The following CALN1 variants were observed in gnomAD, a reference collection of about 807,000 sequenced individuals.
CALN1 encodes the protein calneuron 1.
A neutral mutation model predicts 30.6 loss-of-function variants in CALN1; 17 were observed. That is an observed-to-expected ratio of 0.56 (90% CI 0.38 to 0.83). The LOEUF (loss-of-function observed/expected upper bound fraction) is 0.83. Among genes scored for constraint, CALN1 ranks in the 40% least tolerant of loss-of-function variants. The pLI, the probability that CALN1 is intolerant of heterozygous loss-of-function variation, is 0.00. For synonymous variants in CALN1, 156 were observed against 131.4 expected, an observed-to-expected ratio of 1.19 and a Z score of -1.28; for missense variants, 291 against 354.9, an observed-to-expected ratio of 0.82 and a Z score of 1.45.
At chr7:71,932,595 C>A (rs1197102574) in intron 5 of CALN1, among the ~76,000 whole-genome samples, 1 of 151,852 alleles carries the variant, frequency 6.6e-6, no homozygotes, top group Non-Finnish European at 1.5e-5. Context: ...GGGCGGATCA[C>A]AACGTCAGGA....
the CALN1 span, among the ~76,000 whole-genome samples, chr7:72,471,263 A>C: frequency 6.6e-6 from 1 of 152,176 alleles, no homozygotes. Context: ...ATTCCTTTTC[A>C]TGAGGCATTT....
intron 5 of CALN1, among the ~76,000 whole-genome samples, chr7:71,860,745 G>A (rs1349769219): frequency 6.6e-6 from 1 of 152,176 alleles, no homozygotes; most frequent in Admixed American, 6.5e-5. Context: ...ACTGCCAGGA[G>A]AGGTTGAAAG....
At chr7:71,927,249 G>T (rs1795316770) in intron 5 of CALN1, among the ~76,000 whole-genome samples, 1 of 152,072 alleles carries the variant, frequency 6.6e-6, no homozygotes, top group South Asian at 2.1e-4. Context: ...TCACTCTGTT[G>T]CCCAGGCTGG....
At chr7:72,072,583 A>G (rs1443434800) in intron 4 of CALN1, among the ~76,000 whole-genome samples, 1 of 152,212 alleles carries the variant, frequency 6.6e-6, no homozygotes, top group Non-Finnish European at 1.5e-5. Flanking sequence ...TAAAGATCAC[A>G]AAAAAATGGT....
intron 2 of CALN1, among the ~76,000 whole-genome samples, chr7:72,297,738 G>C (rs1348467627): frequency 6.6e-6 from 1 of 152,164 alleles, no homozygotes; most frequent in African/African-American, 2.4e-5. Context: ...AAATGTCATT[G>C]GCAGTATTTA....
At chr7:72,377,876 A>C (rs2129560657) in intron 2 of CALN1, among the ~76,000 whole-genome samples, 1 of 152,298 alleles carries the variant, frequency 6.6e-6, no homozygotes, top group South Asian at 2.1e-4. Context: ...GGGCCTCCTC[A>C]GGTCCTTCCT....
intron 3 of CALN1, among the ~76,000 whole-genome samples, chr7:72,156,148 G>A (rs926205204): frequency 1.2e-4 from 19 of 152,126 alleles, no homozygotes; most frequent in African/African-American, 4.3e-4. Flanking sequence ...CACCCAATGA[G>A]ATTCTCTAGA....
chr7:72,374,816 AATT>A (rs1804455159), intron 2 of CALN1, among the ~76,000 whole-genome samples: 1 of 152,152 alleles, frequency 6.6e-6, no homozygotes, highest in Non-Finnish European at 1.5e-5. Flanking sequence ...TTTTGTTTGA[AATT>A]ATTACCACAT....
At chr7:72,038,373 A>ATTTT (rs60584202) in intron 4 of CALN1, among the ~76,000 whole-genome samples, 2 of 144,680 alleles carry the variant, frequency 1.4e-5, no homozygotes, top group Non-Finnish European at 3.0e-5. Context: ...CCTAGTATCT[A>ATTTT]TTTTTTTTTT....
At chr7:71,933,662 C>T (rs532595201) in intron 5 of CALN1, among the ~76,000 whole-genome samples, 2 of 152,298 alleles carry the variant, frequency 1.3e-5, no homozygotes, top group Non-Finnish European at 1.5e-5. Flanking sequence ...TGGTGCCAGG[C>T]AGTCAGTAGA....
intron 3 of CALN1, among the ~76,000 whole-genome samples, chr7:72,273,162 G>C (rs1349101940): frequency 6.6e-6 from 1 of 151,954 alleles, no homozygotes; most frequent in Non-Finnish European, 1.5e-5. Flanking sequence ...GGCCAGGCAC[G>C]GTGGCTCACA....
chr7:72,308,952 G>A (rs1253781139), intron 2 of CALN1, among the ~76,000 whole-genome samples: 4 of 152,144 alleles, frequency 2.6e-5, no homozygotes, highest in East Asian at 1.9e-4. Flanking sequence ...TTTTTAGAGG[G>A]CTCACTATGT....
the CALN1 span, among the ~76,000 whole-genome samples, chr7:72,470,120 T>C: frequency 6.6e-6 from 1 of 152,188 alleles, no homozygotes; most frequent in South Asian, 2.1e-4. Flanking sequence ...TACAATGCTC[T>C]GAACATGGTA....
intron 5 of CALN1, among the ~76,000 whole-genome samples, chr7:72,009,850 G>T (rs987391555): frequency 2.0e-5 from 3 of 152,140 alleles, no homozygotes; most frequent in Non-Finnish European, 4.4e-5. Flanking sequence ...ACGTGGAAAC[G>T]TAAGTCCATT....
At chr7:72,258,270 A>T (rs1796047127) in intron 3 of CALN1, among the ~76,000 whole-genome samples, 1 of 152,204 alleles carries the variant, frequency 6.6e-6, no homozygotes, top group South Asian at 2.1e-4. Context: ...AATTATAGGC[A>T]GGCAATCTTT....
At chr7:72,316,503 T>C (rs1800455833) in intron 2 of CALN1, among the ~76,000 whole-genome samples, 1 of 152,100 alleles carries the variant, frequency 6.6e-6, no homozygotes, top group South Asian at 2.1e-4. Flanking sequence ...TCCACACAAA[T>C]GCAGACTCTG....
At chr7:71,796,995 G>T (rs1285345906) in intron 6 of CALN1, among the ~76,000 whole-genome samples, 2 of 152,112 alleles carry the variant, frequency 1.3e-5, no homozygotes, top group Non-Finnish European at 2.9e-5. Context: ...CATTCACACT[G>T]CTCCACTCAG....
At chr7:72,383,545 A>G (rs1278063058) in intron 2 of CALN1, among the ~76,000 whole-genome samples, 1 of 151,926 alleles carries the variant, frequency 6.6e-6, no homozygotes, top group Admixed American at 6.6e-5. Flanking sequence ...CATGTCTAGG[A>G]TGTAATCCCC....
upstream of CALN1, among the ~76,000 whole-genome samples, chr7:72,413,944 C>T (rs1807340689): frequency 6.6e-6 from 1 of 152,082 alleles, no homozygotes; most frequent in African/African-American, 2.4e-5. Context: ...CACATATACT[C>T]CCCCTTCCTT....
Sources: gnomAD v4.1 joint callset for allele counts (sites outside exome capture counted in the v4.1 genomes callset) on GRCh38, gnomAD v4.1.1 for gene constraint, MANE v1.5 for transcripts, NCBI Gene and HGNC (gene_info 2026-07-23, HGNC 2026-07-21) for gene names.